Variants in AAK1 observed in about 807,000 individuals in gnomAD.
AAK1 encodes AP2-associated protein kinase 1.
Under a neutral mutation model 116.0 loss-of-function variants are expected in AAK1, and 37 were observed. The observed-to-expected ratio is 0.32, with a 90% CI of 0.25 to 0.42. AAK1 has a LOEUF of 0.42. Ranked by LOEUF, AAK1 falls within the 10% of genes least tolerant of loss-of-function variation. The pLI is 1.00. For synonymous variants in AAK1, 458 were observed against 439.9 expected (o/e 1.04, Z -0.51); for missense variants, 919 against 1,170.6 (o/e 0.79, Z 3.14).
chr2:69,641,826 C>T (rs1675738009), intron 2 of AAK1, among the ~76,000 whole-genome samples: 1 of 152,170 alleles, frequency 6.6e-6, no homozygotes, highest in South Asian at 2.1e-4. Flanking sequence ...CTACCATCAC[C>T]ATGTTGCAGT....
At chr2:69,594,760 C>T (rs1673187626) in intron 2 of AAK1, 2 of 869,800 alleles carry the variant, frequency 2.3e-6, no homozygotes, top group Non-Finnish European at 3.8e-6. Flanking sequence ...GATCACTTAG[C>T]CCTTTCTCTT....
chr2:69,560,351 C>T (rs1671582772), intron 2 of AAK1, among the ~76,000 whole-genome samples: 1 of 152,212 alleles, frequency 6.6e-6, no homozygotes, highest in African/African-American at 2.4e-5. Context: ...CGGAAGGAGG[C>T]TGTCAACAGA....
intron 1 of AAK1, 27 bp from the exon 2 acceptor site, chr2:69,643,301 G>C: frequency 7.4e-7 from 1 of 1,360,038 alleles, no homozygotes; most frequent in Non-Finnish European, 9.4e-7. Context: ...AGAAAGAGAG[G>C]ATGAATCAGT....
intron 2 of AAK1, among the ~76,000 whole-genome samples, chr2:69,578,960 T>G (rs1366505945): frequency 1.3e-5 from 2 of 152,124 alleles, no homozygotes; most frequent in African/African-American, 4.8e-5. Flanking sequence ...CGTGCCACCA[T>G]GCCCGGCTAA....
At chr2:69,531,973 C>A (rs1670277565) in intron 6 of AAK1, 68 bp downstream of exon 6, 10 of 1,591,760 alleles carry the variant, frequency 6.3e-6, no homozygotes, top group Middle Eastern at 1.7e-4. Context: ...ACCTTCTCAT[C>A]CATAAGCTGA....
Position 69,478,940 on chromosome 2 carries a change from A to G in AAK1, c.2680+11T>C. On this transcript the variant is annotated intron_variant, in intron 20 of 21. Transcript: ENST00000409085. ...GGACACATGTGGGCCTGAGAAGAAG[A>G]AAGCATTTACCTTTATGGACTGGAG... is the stretch of plus-strand genomic sequence containing the variant. The G allele has an allele frequency of 6.3e-7, 1 of 1,595,770 alleles. No homozygotes were observed. Among genetic ancestry groups the G allele is most frequent in the Non-Finnish European group, 8.6e-7 (1 of 1,163,442 alleles).
chr2:69,641,064 A>C (rs538843885), intron 2 of AAK1, among the ~76,000 whole-genome samples: 41 of 152,370 alleles, frequency 2.7e-4, no homozygotes, highest in African/African-American at 9.9e-4. Flanking sequence ...CGTGATGCGC[A>C]GTTCTCAAAG....
At chr2:69,610,915 G>A (rs1410956286) in intron 2 of AAK1, among the ~76,000 whole-genome samples, 2 of 152,208 alleles carry the variant, frequency 1.3e-5, no homozygotes, top group Non-Finnish European at 2.9e-5. Flanking sequence ...CTTATGGATT[G>A]CTGATGGGAA....
chr2:69,580,002 G>A (rs2105140549), intron 2 of AAK1, among the ~76,000 whole-genome samples: 2 of 152,110 alleles, frequency 1.3e-5, no homozygotes, highest in East Asian at 3.9e-4. Context: ...CTCCCTTTCT[G>A]TGTTCCCCAA....
At chr2:69,639,357 T>A (rs1675597018) in intron 2 of AAK1, among the ~76,000 whole-genome samples, 1 of 152,230 alleles carries the variant, frequency 6.6e-6, no homozygotes, top group African/African-American at 2.4e-5. Flanking sequence ...AAATCTTCCC[T>A]TGATATCATA....
chr2:69,643,405 G>C (rs1390479424), intron 1 of AAK1, 131 bp from the exon 2 acceptor site: 1 of 1,176,008 alleles, frequency 8.5e-7, no homozygotes, highest in Non-Finnish European at 1.1e-6. Flanking sequence ...GAGAAAAACC[G>C]TGGGGCTGAA....
chr2:69,559,851 A>G (rs1433131833), intron 2 of AAK1, among the ~76,000 whole-genome samples: 1 of 152,218 alleles, frequency 6.6e-6, no homozygotes. Context: ...ACTCTTTCAG[A>G]TGCTGCAATT....
In AAK1 at chr2:69,473,160, C is replaced by G; in HGVS notation, c.*2709G>C. 1 of 785,882 alleles carries G rather than the reference C, an allele frequency of 1.3e-6. No individual in the cohort carries two copies. Among genetic ancestry groups the G allele is most frequent in the Non-Finnish European group, 1.5e-6 (1 of 648,006 alleles). The allele number at this position is 785,882 out of a possible 1,614,324, so 48.7% of individuals were successfully genotyped here. A position where few individuals can be genotyped will look rare whatever the true frequency, so the allele number is the denominator to read the frequency against. ...GGTGAAGTGCCTGCTGAAGGTCACT[C>G]AGCCAGTGGCTGGCAAGGGCCAGGA... On this transcript the variant is annotated 3_prime_UTR_variant, in exon 22 of 22. Coordinates refer to ENST00000409085, the MANE Select transcript of AAK1 (RefSeq NM_014911.5).
rs1676210737 is a variant in AAK1 at position 69,506,982 on chromosome 2, G to T, written c.2164+439C>A. Reference sequence around the variant, plus strand: ...TCTTTCTGTGTAGTACAGTAATACAGAACTCTGACTATAGTGAAAGAAAGA... The same window carrying T: ...TCTTTCTGTGTAGTACAGTAATACATAACTCTGACTATAGTGAAAGAAAGA... On this transcript the variant is annotated intron_variant, in intron 15 of 21. Transcript: ENST00000409085. Among the ~76,000 whole-genome samples the T allele has an allele frequency of 2.0e-5, 3 of 151,876 alleles. No individual in the cohort carries two copies. In the South Asian group the frequency reaches 6.2e-4, roughly 32 times the overall value.
rs70954350 is a variant in AAK1 at position 69,553,437 on chromosome 2, G to GTTTTTTTT, written c.282+3415_282+3422dup. Reference sequence around the variant, plus strand: ...AAAGATACTTCTAGAATTGAAAGTTGTTTTTTTTTTTTTTTTTTTTTTTTT... The same window carrying GTTTTTTTT: ...AAAGATACTTCTAGAATTGAAAGTTGTTTTTTTTTTTTTTTTTTTTTTTTTTTTTTTTT... On this transcript the variant is annotated intron_variant, in intron 3 of 21. Coordinates refer to ENST00000409085, the MANE Select transcript of AAK1 (RefSeq NM_014911.5). Among the ~76,000 whole-genome samples the GTTTTTTTT allele has an allele frequency of 1.0e-3, 80 of 79,600 alleles. 7 individuals carry two copies. Among genetic ancestry groups the GTTTTTTTT allele is most frequent in the African/African-American group, 4.0e-3 (75 of 18,910 alleles). The allele number at this position is 79,600 out of a possible 152,430, so 52.2% of individuals were successfully genotyped here.
At chr2:69,496,604 A>G (rs1183789404) in intron 16 of AAK1, among the ~76,000 whole-genome samples, 1 of 152,148 alleles carries the variant, frequency 6.6e-6, no homozygotes, top group African/African-American at 2.4e-5. Context: ...GCAATTAACA[A>G]TAAAACCAGG....
At chr2:69,505,849 G>A (rs1002070971) in intron 15 of AAK1, among the ~76,000 whole-genome samples, 176 bp from the exon 16 acceptor site, 9 of 151,922 alleles carry the variant, frequency 5.9e-5, no homozygotes, top group African/African-American at 1.9e-4. Flanking sequence ...GAGAACGGCT[G>A]AGAAAAAAAA....
At chr2:69,639,053 T>C (rs985855450) in intron 2 of AAK1, among the ~76,000 whole-genome samples, 10 of 152,208 alleles carry the variant, frequency 6.6e-5, no homozygotes, top group Non-Finnish European at 1.3e-4. Context: ...ACTAGTTTGC[T>C]CTGTAGGTAG....
At chr2:69,492,700 T>C (rs1244314111) in intron 17 of AAK1, among the ~76,000 whole-genome samples, 2 of 150,984 alleles carry the variant, frequency 1.3e-5, no homozygotes, top group African/African-American at 4.9e-5. Context: ...TTTTTGTATT[T>C]TTAGTAGAGA....
Sources: allele counts gnomAD v4.1 joint callset (sites outside exome capture counted in the v4.1 genomes callset), GRCh38; gene constraint gnomAD v4.1.1; transcripts MANE v1.5; gene names NCBI Gene and HGNC (gene_info 2026-07-23, HGNC 2026-07-21).